The following DNAJC1 variants were observed in gnomAD, a reference collection of about 807,000 sequenced individuals.
The protein encoded by DNAJC1 is DnaJ heat shock protein family (Hsp40) member C1.
In DNAJC1, 58 loss-of-function variants were observed where a neutral mutation model predicts 76.6. That is an observed-to-expected ratio of 0.76 (90% CI 0.61 to 0.94). The LOEUF (loss-of-function observed/expected upper bound fraction) is 0.94. Among genes scored for constraint, DNAJC1 ranks in the 40% least tolerant of loss-of-function variants. DNAJC1 has a pLI of 0.00. For missense variants in DNAJC1, 689 were observed against 677.3 expected (o/e 1.02, Z -0.19); for synonymous variants, 258 against 267.9 (o/e 0.96, Z 0.36).
intron 9 of DNAJC1, among the ~76,000 whole-genome samples, chr10:21,796,546 T>C (rs1371800516): frequency 2.0e-5 from 3 of 152,214 alleles, no homozygotes; most frequent in Non-Finnish European, 4.4e-5. Context: ...AACTGTACCA[T>C]TTCACATTCC....
At chr10:21,779,388 G>A (rs1037479464) in intron 9 of DNAJC1, among the ~76,000 whole-genome samples, 2 of 152,094 alleles carry the variant, frequency 1.3e-5, no homozygotes, top group Non-Finnish European at 2.9e-5. Flanking sequence ...ATACCCCTCT[G>A]AGACAAAACT....
chr10:21,794,061 G>T (rs1834724135), intron 9 of DNAJC1, among the ~76,000 whole-genome samples: 1 of 152,130 alleles, frequency 6.6e-6, no homozygotes, highest in African/African-American at 2.4e-5. Flanking sequence ...GATCGCTTGA[G>T]GTCAGGAGTT....
chr10:21,911,117 G>T (rs1447775937), intron 6 of DNAJC1, among the ~76,000 whole-genome samples: 1 of 151,356 alleles, frequency 6.6e-6, no homozygotes, highest in Non-Finnish European at 1.5e-5. Flanking sequence ...GGCAGGCGGG[G>T]CAGGCATTGA....
At chr10:21,756,843 T>G (rs892872173) in intron 11 of DNAJC1, 88 bp from the exon 12 acceptor site, 6 of 1,258,274 alleles carry the variant, frequency 4.8e-6, no homozygotes, top group Non-Finnish European at 6.9e-6. Context: ...CTTCTGCTCA[T>G]GAAGAGCCTC....
At chr10:21,857,485 A>G (rs1048758717) in intron 8 of DNAJC1, among the ~76,000 whole-genome samples, 2 of 152,104 alleles carry the variant, frequency 1.3e-5, no homozygotes, top group Admixed American at 6.6e-5. Context: ...AACCAGAGAA[A>G]TTTTTTGTAT....
At chr10:21,838,715 C>A (rs1246164447) in intron 8 of DNAJC1, among the ~76,000 whole-genome samples, 1 of 152,072 alleles carries the variant, frequency 6.6e-6, no homozygotes, top group Non-Finnish European at 1.5e-5. Flanking sequence ...AACAAGGATA[C>A]CCAGGAATTG....
At chr10:21,820,747 CCT>C (rs1167435590) in intron 8 of DNAJC1, among the ~76,000 whole-genome samples, 1 of 152,182 alleles carries the variant, frequency 6.6e-6, no homozygotes, top group African/African-American at 2.4e-5. Context: ...CCCATGACCC[CCT>C]CTTTGGGTTC....
chr10:21,909,044 G>A (rs1227472458), intron 6 of DNAJC1, among the ~76,000 whole-genome samples: 2 of 152,086 alleles, frequency 1.3e-5, no homozygotes, highest in South Asian at 4.1e-4. Context: ...CCACCACCAC[G>A]TCTGGCTAAT....
At chr10:21,814,942 C>T (rs1835051105) in intron 8 of DNAJC1, among the ~76,000 whole-genome samples, 1 of 152,152 alleles carries the variant, frequency 6.6e-6, no homozygotes, top group Non-Finnish European at 1.5e-5. Flanking sequence ...GAGATTTTAT[C>T]TCAGTAATGG....
intron 8 of DNAJC1, among the ~76,000 whole-genome samples, chr10:21,830,467 T>C (rs1835337997): frequency 6.6e-6 from 1 of 152,222 alleles, no homozygotes; most frequent in African/African-American, 2.4e-5. Flanking sequence ...TAATTGGTAG[T>C]ATAACTGGCG....
At chr10:21,906,599 T>C (rs1037486972) in intron 6 of DNAJC1, among the ~76,000 whole-genome samples, 4 of 152,112 alleles carry the variant, frequency 2.6e-5, no homozygotes, top group African/African-American at 9.7e-5. Flanking sequence ...GAAAGTAGGC[T>C]GAAATCAATC....
At chr10:21,818,212 G>T (rs2131656056) in intron 8 of DNAJC1, among the ~76,000 whole-genome samples, 1 of 152,204 alleles carries the variant, frequency 6.6e-6, no homozygotes, top group African/African-American at 2.4e-5. Flanking sequence ...CTCTAAAATG[G>T]CCCCCTTAGG....
At chr10:21,994,684 G>C (rs1201919408) in intron 1 of DNAJC1, among the ~76,000 whole-genome samples, 7 of 151,906 alleles carry the variant, frequency 4.6e-5, no homozygotes, top group African/African-American at 1.7e-4. Context: ...CCAGCTACTG[G>C]GGAGGCTGAG....
At chr10:21,797,698 A>G (rs1007820384) in intron 9 of DNAJC1, among the ~76,000 whole-genome samples, 2 of 152,124 alleles carry the variant, frequency 1.3e-5, no homozygotes, top group Non-Finnish European at 1.5e-5. Flanking sequence ...GTTCCTGATA[A>G]AAGGATGAGT....
intron 8 of DNAJC1, among the ~76,000 whole-genome samples, chr10:21,874,960 A>C (rs971907518): frequency 6.6e-6 from 1 of 152,038 alleles, no homozygotes; most frequent in Admixed American, 6.5e-5. Flanking sequence ...GGCTCACTAC[A>C]ACCTCTGCCT....
At chr10:21,873,436 G>A (rs61851892) in intron 8 of DNAJC1, among the ~76,000 whole-genome samples, 1,813 of 152,172 alleles carry the variant, frequency 0.012, 16 homozygotes, top group Non-Finnish European at 0.018. Context: ...AATCAGAAAC[G>A]ATGAAGGCCA....
chr10:21,791,772 AG>A (rs1345815119), intron 9 of DNAJC1, among the ~76,000 whole-genome samples: 1 of 152,204 alleles, frequency 6.6e-6, no homozygotes, highest in Non-Finnish European at 1.5e-5. Context: ...GCCATAAACA[AG>A]GAGAAAGATT....
At chr10:21,956,808 A>G (rs193242900) in intron 1 of DNAJC1, among the ~76,000 whole-genome samples, 1 of 118,698 alleles carries the variant, frequency 8.4e-6, no homozygotes, top group African/African-American at 3.4e-5. Flanking sequence ...AGCCTCCAAC[A>G]GTTTATACAT....
intron 9 of DNAJC1, among the ~76,000 whole-genome samples, chr10:21,790,389 G>A (rs1589981571): frequency 6.6e-6 from 1 of 151,706 alleles, no homozygotes; most frequent in African/African-American, 2.4e-5. Flanking sequence ...CAAAGACGAA[G>A]AGAAAATTCT....
Sources: allele counts gnomAD v4.1 joint callset (sites outside exome capture counted in the v4.1 genomes callset), GRCh38; gene constraint gnomAD v4.1.1; transcripts MANE v1.5; gene names NCBI Gene and HGNC (gene_info 2026-07-23, HGNC 2026-07-21).